RABGAP1L: variants seen among roughly 807,000 people sequenced by gnomAD.
The protein encoded by RABGAP1L is RAB GTPase activating protein 1 like.
A neutral mutation model predicts 137.7 loss-of-function variants in RABGAP1L; 63 were observed. The ratio of observed to expected loss-of-function variants is 0.46; its 90% CI spans 0.37 to 0.56. The LOEUF is 0.56. RABGAP1L is among the 20% of genes least tolerant of loss of function. RABGAP1L has a pLI of 0.00. For synonymous variants in RABGAP1L, 431 were observed against 433.7 expected (o/e 0.99, Z 0.08); for missense variants, 1,095 against 1,244.0 (o/e 0.88, Z 1.80).
chr1:174,622,247 G>T (rs370560785), intron 13 of RABGAP1L, among the ~76,000 whole-genome samples: 1 of 152,136 alleles, frequency 6.6e-6, no homozygotes, highest in Non-Finnish European at 1.5e-5. Flanking sequence ...CACTTTTACA[G>T]TGTTGGTGGG....
chr1:174,951,010 A>T (rs2149323883), intron 19 of RABGAP1L, among the ~76,000 whole-genome samples: 1 of 152,352 alleles, frequency 6.6e-6, no homozygotes, highest in African/African-American at 2.4e-5. Context: ...CAATGTTAAA[A>T]CTGAGCACAG....
intron 17 of RABGAP1L, among the ~76,000 whole-genome samples, chr1:174,725,739 C>T (rs1301548557): frequency 6.6e-6 from 1 of 151,956 alleles, no homozygotes; most frequent in Admixed American, 6.6e-5. Flanking sequence ...TATACTGTAA[C>T]AGTGTTTTTA....
At chr1:174,875,765 AT>A in intron 19 of RABGAP1L, 1 of 922,954 alleles carries the variant, frequency 1.1e-6, no homozygotes, top group Non-Finnish European at 1.3e-6. Flanking sequence ...TTATCATTTA[AT>A]TTTTACCTGG....
At chr1:174,625,214 CATT>C in intron 13 of RABGAP1L, among the ~76,000 whole-genome samples, 1 of 152,166 alleles carries the variant, frequency 6.6e-6, no homozygotes, top group South Asian at 2.1e-4. Context: ...AACCAATCAA[CATT>C]ATATGCTTAA....
chr1:174,509,400 C>T (rs1216471424), intron 13 of RABGAP1L, among the ~76,000 whole-genome samples: 1 of 151,910 alleles, frequency 6.6e-6, no homozygotes, highest in Admixed American at 6.6e-5. Flanking sequence ...CTAACTCCTA[C>T]CTCCTCTTCT....
At chr1:174,816,880 G>A (rs1013340022) in intron 19 of RABGAP1L, among the ~76,000 whole-genome samples, 13 of 152,026 alleles carry the variant, frequency 8.6e-5, no homozygotes, top group African/African-American at 2.9e-4. Flanking sequence ...ACAGGCGTGC[G>A]CCACCATGCC....
chr1:174,417,513 T>C (rs950161595), intron 13 of RABGAP1L, among the ~76,000 whole-genome samples: 4 of 152,170 alleles, frequency 2.6e-5, no homozygotes, highest in African/African-American at 9.7e-5. Context: ...CCAACTTATA[T>C]GTGATGCATC....
At chr1:174,878,334 C>A (rs1389528394) in intron 19 of RABGAP1L, among the ~76,000 whole-genome samples, 1 of 152,182 alleles carries the variant, frequency 6.6e-6, no homozygotes, top group Admixed American at 6.5e-5. Flanking sequence ...TCAAGCAACT[C>A]TCCTGTCTCA....
chr1:174,882,865 A>C (rs1362257675), intron 19 of RABGAP1L, among the ~76,000 whole-genome samples: 2 of 151,896 alleles, frequency 1.3e-5, no homozygotes, highest in East Asian at 1.9e-4. Flanking sequence ...TGGCTCTGCC[A>C]CCCAGGCTGG....
intron 19 of RABGAP1L, among the ~76,000 whole-genome samples, chr1:174,932,007 TTTTTTTTG>T (rs1179310849): frequency 2.1e-5 from 3 of 145,152 alleles, no homozygotes; most frequent in African/African-American, 5.2e-5. Context: ...TTTTTTTTTT[TTTTTTTTG>T]CCTGTCCAGT....
At chr1:174,482,894 A>G (rs753099992) in intron 13 of RABGAP1L, among the ~76,000 whole-genome samples, 1 of 152,234 alleles carries the variant, frequency 6.6e-6, no homozygotes, top group African/African-American at 2.4e-5. Flanking sequence ...TAGAAGCTCA[A>G]TAAGTATTGA....
In RABGAP1L at chr1:174,722,234, C is replaced by A. The variant is rs566050775; in HGVS notation, c.2169+19978C>A. Among the ~76,000 whole-genome samples the A allele has an allele frequency of 2.6e-5, 4 of 152,132 alleles. No homozygotes were observed. The East Asian group carries it at 7.8e-4, about 30-fold the overall frequency. On this transcript the variant is annotated intron_variant, in intron 17 of 25. Coordinates refer to ENST00000681986, the MANE Select transcript of RABGAP1L (RefSeq NM_001366446.1). The stretch of plus-strand genomic sequence containing the variant: ...TGAGCCACCGCGCCTGGCCGATACT[C>A]AATTTTTTTATGGTTGATGCCAGTC...
At chr1:174,751,088 C>T (rs902054529) in intron 17 of RABGAP1L, among the ~76,000 whole-genome samples, 2 of 151,994 alleles carry the variant, frequency 1.3e-5, no homozygotes, top group East Asian at 1.9e-4. Flanking sequence ...GTTTTTATCT[C>T]CTGGCCTGAT....
At chr1:174,355,723 A>G (rs999772498) in intron 11 of RABGAP1L, among the ~76,000 whole-genome samples, 1 of 152,170 alleles carries the variant, frequency 6.6e-6, no homozygotes, top group African/African-American at 2.4e-5. Flanking sequence ...ACGGGTTTCA[A>G]TGATTAATGA....
At chr1:174,712,692 A>C (rs1450500508) in intron 17 of RABGAP1L, among the ~76,000 whole-genome samples, 1 of 152,228 alleles carries the variant, frequency 6.6e-6, no homozygotes, top group African/African-American at 2.4e-5. Context: ...TTCTCTAAGA[A>C]GTTTTCCCTG....
In RABGAP1L at chr1:174,427,142, T is replaced by TTG. The variant is rs1289862039; in HGVS notation, c.1710+32998_1710+32999insGT. 4.7e-3 allele frequency among the ~76,000 whole-genome samples: 548 copies of TTG among 115,586 alleles called. 3 individuals are homozygous for TTG. Among genetic ancestry groups the TTG allele is most frequent in the African/African-American group, 0.018 (524 of 29,284 alleles). 75.8% of individuals were successfully genotyped at this position (115,586 alleles called of 152,430 possible). A position where few individuals can be genotyped will look rare whatever the true frequency, so the allele number is the denominator to read the frequency against. ...CTGTTTAACATAAACCTCCGCATGT[T>TTG]TATGTGTGTGTGTGTGTGTGTGTGT... On this transcript the variant is annotated intron_variant, in intron 13 of 25. Coordinates refer to ENST00000681986, the MANE Select transcript of RABGAP1L (RefSeq NM_001366446.1).
At chr1:174,328,498 G>C (rs189392303) in intron 11 of RABGAP1L, among the ~76,000 whole-genome samples, 3 of 152,088 alleles carry the variant, frequency 2.0e-5, no homozygotes. Context: ...GGCCGGGCAC[G>C]TTGTCTCATG....
At chr1:174,676,909 C>T (rs1160301304) in intron 14 of RABGAP1L, among the ~76,000 whole-genome samples, 1 of 151,918 alleles carries the variant, frequency 6.6e-6, no homozygotes, top group Non-Finnish European at 1.5e-5. Context: ...AGCTTAAACC[C>T]CAGGGATATC....
At chr1:174,918,797 A>G (rs2149219598) in intron 19 of RABGAP1L, among the ~76,000 whole-genome samples, 1 of 147,648 alleles carries the variant, frequency 6.8e-6, no homozygotes, top group South Asian at 2.1e-4. Flanking sequence ...AAAAGAATTC[A>G]GAGCCTGGGC....
Sources: allele counts gnomAD v4.1 joint callset (sites outside exome capture counted in the v4.1 genomes callset), GRCh38; gene constraint gnomAD v4.1.1; transcripts MANE v1.5; gene names NCBI Gene and HGNC (gene_info 2026-07-23, HGNC 2026-07-21).